The following LCT variants were observed in gnomAD, a reference collection of about 807,000 sequenced individuals.
LCT encodes the protein lactase/phlorizin hydrolase.
A neutral mutation model predicts 173.0 loss-of-function variants in LCT; 90 were observed. The observed-to-expected ratio is 0.52, with a 90% confidence interval of 0.44 to 0.62. LCT has a LOEUF of 0.62. Among genes scored for constraint, LCT ranks in the 20% least tolerant of loss-of-function variants. The pLI is 0.00. For synonymous variants in LCT, 853 were observed against 957.6 expected, an observed-to-expected ratio of 0.89 and a Z score of 2.02; for missense variants, 1,864 against 2,431.4, an observed-to-expected ratio of 0.77 and a Z score of 4.91.
intron 3 of LCT, 39 bp downstream of exon 3, chr2:135,829,554 G>T: frequency 7.0e-7 from 1 of 1,425,430 alleles, no homozygotes; most frequent in South Asian, 1.1e-5. Context: ...TGAAACCTTC[G>T]CTGCATTCAT....
chr2:135,808,723 C>G lies in LCT; in HGVS notation c.3624G>C (p.Thr1208=), dbSNP rs769747422. ...RATADVFCLN[T]YYSRIVQHKT... Reference sequence around the variant, plus strand: ...TGTGCTGCACGATTCTGGAGTAGTACGTGTTGAGGCAGAAGACGTCGGCCG... The same window carrying G: ...TGTGCTGCACGATTCTGGAGTAGTAGGTGTTGAGGCAGAAGACGTCGGCCG... Residue 1208 remains threonine, a synonymous_variant, in exon 8 of 17, where the codon ACG becomes ACC. Transcript: ENST00000264162. The G allele has an allele frequency of 6.2e-7, 1 of 1,614,182 alleles. No individual in the cohort carries two copies. The highest frequency in any genetic ancestry group is 1.1e-5 in the South Asian group (1 of 91,086).
At chr2:135,834,808 A>AAAAAAAAAAAAAAAAG (rs1222170749) in intron 1 of LCT, among the ~76,000 whole-genome samples, 4 of 138,236 alleles carry the variant, frequency 2.9e-5, no homozygotes, top group South Asian at 2.8e-4. Context: ...AAAAAAAAAA[A>AAAAAAAAAAAAAAAAG]AAGAAGAAGA....
intron 14 of LCT, chr2:135,794,277 G>A (rs1166343849): frequency 4.9e-6 from 1 of 203,408 alleles, no homozygotes; most frequent in African/African-American, 2.3e-5. Flanking sequence ...TAATATTAAA[G>A]CGAATTTTGA....
At position 135,808,478 on chromosome 2, in the gene LCT, A is replaced by T. The variant is rs1225383722; in HGVS notation, c.3869T>A (p.Phe1290Tyr). ...CTCATTGATGTAGGTTTTGTGGTAAAATATCCTATCAGTATCCTCCGTGTT... is the reference window on the plus strand; with the variant it reads ...CTCATTGATGTAGGTTTTGTGGTAATATATCCTATCAGTATCCTCCGTGTT... ...NPNTEDTDRI[F>Y]YHKTYINEAL... Residue 1290 changes from phenylalanine (F) to tyrosine (Y), a missense_variant, in exon 8 of 17, where the codon TTT becomes TAT. Physicochemically the swap from Phe to Tyr is conservative, Grantham distance 22. This residue lies in a region of LCT where 755 missense variants were observed against 926.3 expected (regional missense o/e 0.82). Coordinates refer to ENST00000264162, the MANE Select transcript of LCT (RefSeq NM_002299.4). 6.2e-7 allele frequency: 1 copy of T among 1,613,964 alleles called. No individual in the cohort carries two copies. Among genetic ancestry groups the T allele is most frequent in the African/African-American group, 1.3e-5 (1 of 74,912 alleles).
Position 135,834,808 on chromosome 2 carries a change from A to AAAG in LCT, c.641-1621_641-1619dup, listed in dbSNP as rs1558747994. Among the ~76,000 whole-genome samples, 109 of 138,338 alleles carry AAAG rather than the reference A, an allele frequency of 7.9e-4. 3 individuals are homozygous for AAAG. Among genetic ancestry groups the AAAG allele is most frequent in the South Asian group, 6.1e-3 (22 of 3,610 alleles). 90.8% of individuals were successfully genotyped at this position (138,338 alleles called of 152,430 possible). A position where few individuals can be genotyped will look rare whatever the true frequency, so the allele number is the denominator to read the frequency against. Reference sequence around the variant, plus strand: ...ATCTCAAAAAAAAAAAAAAAAAAAAAAAGAAGAAGAAAAAAATGTTTAACG... The same window carrying AAAG: ...ATCTCAAAAAAAAAAAAAAAAAAAAAAAGAAGAAGAAGAAAAAAATGTTTAACG... On this transcript the variant is annotated intron_variant, in intron 1 of 16. Coordinates refer to ENST00000264162, the MANE Select transcript of LCT (RefSeq NM_002299.4).
chr2:135,811,282 A>T (rs1257749916), intron 7 of LCT, among the ~76,000 whole-genome samples: 1 of 152,202 alleles, frequency 6.6e-6, no homozygotes, highest in Non-Finnish European at 1.5e-5. Flanking sequence ...CCCCCGAAAG[A>T]TATGTCTAAA....
At chr2:135,797,003 A>G (rs1021717095) in intron 13 of LCT, among the ~76,000 whole-genome samples, 1 of 144,170 alleles carries the variant, frequency 6.9e-6, no homozygotes, top group Non-Finnish European at 1.5e-5. Flanking sequence ...GCTGGAGTGC[A>G]GTGGCATGAT....
chr2:135,795,015 CCACA>C (rs530102634), intron 13 of LCT, among the ~76,000 whole-genome samples: 1 of 136,738 alleles, frequency 7.3e-6, no homozygotes, highest in Admixed American at 7.7e-5. Context: ...ACCTGAAGGA[CCACA>C]CACACACGCA....
At chr2:135,834,313 G>T (rs913802450) in intron 1 of LCT, among the ~76,000 whole-genome samples, 3 of 151,796 alleles carry the variant, frequency 2.0e-5, no homozygotes, top group African/African-American at 7.3e-5. Flanking sequence ...AGCCTCCTGA[G>T]TAGCTGGGAC....
chr2:135,836,643 T>A lies in LCT; in HGVS notation c.527A>T (p.Glu176Val). The A allele has an allele frequency of 6.2e-7, 1 of 1,614,150 alleles. No individual in the cohort carries two copies. Among genetic ancestry groups the A allele is most frequent in the Non-Finnish European group, 8.5e-7 (1 of 1,180,014 alleles). ...VGIWFTFSDL[E>V]EVIKELPHQE... Reference sequence around the variant, plus strand: ...GTGGGGAAGCTCCTTGATCACTTCCTCCAAGTCACTGAAGGTGAACCAGAT... The same window carrying A: ...GTGGGGAAGCTCCTTGATCACTTCCACCAAGTCACTGAAGGTGAACCAGAT... Residue 176 changes from glutamate to valine, a missense_variant, in exon 1 of 17, where the codon GAG (glutamate) becomes GTG (valine). Physicochemically the swap from Glu to Val is moderately radical, Grantham distance 121. Transcript: ENST00000264162.
chr2:135,826,354 C>G (rs368325482), intron 3 of LCT, among the ~76,000 whole-genome samples: 1 of 146,266 alleles, frequency 6.8e-6, no homozygotes, highest in East Asian at 2.0e-4. Context: ...GCCAGGAGTT[C>G]GAGACCAGCC....
rs2077508407 is a variant in LCT at position 135,788,347 on chromosome 2, A to G, written c.5761T>C (p.Leu1921=). 1.2e-6 allele frequency: 2 copies of G among 1,613,798 alleles called. No individual in the cohort carries two copies. Among genetic ancestry groups the G allele is most frequent in the African/African-American group, 2.7e-5 (2 of 74,928 alleles). Residue 1921 remains leucine (L), a synonymous_variant, in exon 17 of 17, where the codon TTG becomes CTG. Transcript: ENST00000264162. ...CATCAGAATGAAGACACCGGGCTCA[A>G]TTCCTGTTGGCTTCGTTGTGTTTTC... is the stretch of plus-strand genomic sequence containing the variant. ...QGKTQRSQQE[L]SPVSSF
intron 7 of LCT, chr2:135,810,296 A>T: frequency 3.6e-6 from 1 of 278,264 alleles, no homozygotes; most frequent in East Asian, 6.7e-5. Flanking sequence ...GTTTTTCAAT[A>T]AAATAGTTTT....
intron 11 of LCT, 26 bp downstream of exon 11, chr2:135,803,904 G>A (rs762546634): frequency 1.3e-6 from 2 of 1,597,702 alleles, no homozygotes; most frequent in East Asian, 4.5e-5. Context: ...GATTCAAAGA[G>A]CCTATGAGCC....
chr2:135,809,318 C>A lies in LCT; in HGVS notation c.3029G>T (p.Ser1010Ile). Residue 1010 changes from serine to isoleucine, a missense_variant, in exon 8 of 17, where the codon AGC becomes ATC. Physicochemically the swap from Ser to Ile is moderately radical, Grantham distance 142 (BLOSUM62 -2). This residue lies in a region of LCT where 755 missense variants were observed against 926.3 expected (regional missense o/e 0.82). Transcript: ENST00000264162. This position sits in a 1 kb window ranked among gnomAD's most constrained non-coding sequence, Gnocchi z 5.5. ...CAATGTCACCATGGGAAAGATGTTG[C>A]TTGCCACCAAGCCATTGATCAGCCT... ...YNRLINGLVASNIFPMVTLFH... is the reference protein window; with the variant it reads ...YNRLINGLVAINIFPMVTLFH... The A allele has an allele frequency of 6.2e-7, 1 of 1,614,238 alleles. No individual in the cohort carries two copies. The highest frequency in any genetic ancestry group is 8.5e-7 in the Non-Finnish European group (1 of 1,180,040).
In LCT at chr2:135,794,663, T is replaced by C. The variant is rs1213434353; in HGVS notation, c.5089A>G (p.Ile1697Val). ...TACCTGTCTGCATCAAAAGAAGAGA[T>C]GGCAGTGGCATAGTTGAGGTTGTAG... ...LAYNLNYATAISSFDADRGVA... is the reference protein window; with the variant it reads ...LAYNLNYATAVSSFDADRGVA... The change falls in exon 14 of 17, where the codon ATC becomes GTC. Residue 1697 changes from isoleucine (I) to valine (V), a missense_variant. Ile to Val is a conservative substitution (Grantham distance 29). Coordinates refer to ENST00000264162, the MANE Select transcript of LCT (RefSeq NM_002299.4). 6.2e-7 allele frequency: 1 copy of C among 1,614,166 alleles called. No individual in the cohort carries two copies. Among genetic ancestry groups the C allele is most frequent in the Admixed American group, 1.7e-5 (1 of 60,022 alleles).
intron 3 of LCT, among the ~76,000 whole-genome samples, chr2:135,826,546 T>C (rs1309679479): frequency 2.6e-5 from 4 of 151,776 alleles, no homozygotes; most frequent in Non-Finnish European, 5.9e-5. Context: ...CCAGCCTGGG[T>C]GACAGAGCGA....
chr2:135,808,586 C>A lies in LCT; in HGVS notation c.3761G>T (p.Arg1254Leu). Reference sequence around the variant, plus strand: ...TTCCTTGATCCAGTTCAGCAGCCTTCGCGTCCCCCAGGGCGCAGCTCTGTT... The same window carrying A: ...TTCCTTGATCCAGTTCAGCAGCCTTAGCGTCCCCCAGGGCGCAGCTCTGTT... ...AMNRAAPWGTRRLLNWIKEEY... is the reference protein window; with the variant it reads ...AMNRAAPWGTLRLLNWIKEEY... The change falls in exon 8 of 17, where the codon CGA becomes CTA. Residue 1254 changes from arginine (R) to leucine (L), a missense_variant. Arg to Leu is a moderately radical substitution (Grantham distance 102). This residue lies in a region of LCT where 755 missense variants were observed against 926.3 expected (regional missense o/e 0.82). Coordinates refer to ENST00000264162, the MANE Select transcript of LCT (RefSeq NM_002299.4). 6.2e-7 allele frequency: 1 copy of A among 1,614,204 alleles called. No individual in the cohort carries two copies. Among genetic ancestry groups the A allele is most frequent in the Non-Finnish European group, 8.5e-7 (1 of 1,180,038 alleles).
chr2:135,830,486 C>T lies in LCT; in HGVS notation c.721-810G>A, dbSNP rs529800673. On this transcript the variant is annotated intron_variant, in intron 2 of 16. Transcript: ENST00000264162. ...CCCTCCCACTGATCATCTGCTTCTT[C>T]AAGACAAGGACTAATGGTTACTGTC... Among the ~76,000 whole-genome samples the T allele has an allele frequency of 5.9e-5, 9 of 152,318 alleles. No homozygotes were observed. The South Asian group carries it at 1.9e-3, about 32-fold the overall frequency.
Sources: gnomAD v4.1 joint callset for allele counts (sites outside exome capture counted in the v4.1 genomes callset) on GRCh38, gnomAD v4.1.1 for gene constraint, gnomAD v4.1.1 regional missense constraint, Gnocchi (gnomAD v3.1) non-coding constraint, MANE v1.5 for transcripts, NCBI Gene and HGNC (gene_info 2026-07-23, HGNC 2026-07-21) for gene names.